Variants in ANK2 observed in about 807,000 individuals in gnomAD.
The protein encoded by ANK2 is ankyrin 2.
A neutral mutation model predicts 360.5 loss-of-function variants in ANK2; 83 were observed. That is an observed-to-expected ratio of 0.23 (90% CI 0.19 to 0.28). The LOEUF (loss-of-function observed/expected upper bound fraction) is 0.28. Ranked by LOEUF, ANK2 falls within the 10% of genes least tolerant of loss-of-function variation. The pLI is 1.00. For synonymous variants in ANK2, 1,740 were observed against 1,759.5 expected, an observed-to-expected ratio of 0.99 and a Z score of 0.28; for missense variants, 4,201 against 4,795.7, an observed-to-expected ratio of 0.88 and a Z score of 3.66.
At chr4:112,833,635 C>A (rs1203671381) in intron 1 of ANK2, among the ~76,000 whole-genome samples, 1 of 152,090 alleles carries the variant, frequency 6.6e-6, no homozygotes, top group East Asian at 1.9e-4. Flanking sequence ...TCCCCAGTAC[C>A]TGGGACCACA....
the ANK2 span, among the ~76,000 whole-genome samples, chr4:112,756,418 G>A: frequency 6.6e-6 from 1 of 152,174 alleles, no homozygotes; most frequent in Non-Finnish European, 1.5e-5. Context: ...TGGGAGAATA[G>A]ATTCTCTATA....
At chr4:113,314,817 A>T (rs943442296) in intron 24 of ANK2, among the ~76,000 whole-genome samples, 7 of 152,322 alleles carry the variant, frequency 4.6e-5, no homozygotes, top group South Asian at 2.1e-4. Flanking sequence ...CATCATTTTT[A>T]AAAAAGCAGT....
intron 1 of ANK2, among the ~76,000 whole-genome samples, chr4:112,822,253 A>AC (rs1030429453): frequency 6.7e-6 from 1 of 149,660 alleles, no homozygotes; most frequent in African/African-American, 2.5e-5. Flanking sequence ...AAAAAAAAAA[A>AC]AAAAAAAAAC....
At chr4:113,029,316 C>T (rs1230092539) in intron 2 of ANK2, among the ~76,000 whole-genome samples, 2 of 151,998 alleles carry the variant, frequency 1.3e-5, no homozygotes, top group African/African-American at 4.8e-5. Context: ...CTCACTACAT[C>T]CTCTAACTCC....
At chr4:112,835,437 A>G (rs2060792540) in intron 1 of ANK2, among the ~76,000 whole-genome samples, 1 of 152,148 alleles carries the variant, frequency 6.6e-6, no homozygotes, top group African/African-American at 2.4e-5. Flanking sequence ...TTATGCATTT[A>G]TAATGAATAG....
the ANK2 span, among the ~76,000 whole-genome samples, chr4:112,801,136 C>T: frequency 6.6e-6 from 1 of 152,134 alleles, no homozygotes; most frequent in South Asian, 2.1e-4. Context: ...CATACATTGA[C>T]AACTGAATCA....
chr4:112,916,245 A>G (rs903201958), intron 2 of ANK2, among the ~76,000 whole-genome samples: 2 of 152,212 alleles, frequency 1.3e-5, no homozygotes, highest in African/African-American at 4.8e-5. Flanking sequence ...CTAATATTAA[A>G]CCTAATAGTT....
intron 2 of ANK2, among the ~76,000 whole-genome samples, chr4:112,970,309 G>C: frequency 6.6e-6 from 1 of 151,812 alleles, no homozygotes; most frequent in East Asian, 1.9e-4. Flanking sequence ...GTTTGGTGCT[G>C]TCACATACAT....
At chr4:112,838,762 G>A (rs1419920032) in intron 1 of ANK2, among the ~76,000 whole-genome samples, 1 of 152,260 alleles carries the variant, frequency 6.6e-6, no homozygotes, top group African/African-American at 2.4e-5. Context: ...CCAGCTACTC[G>A]GGAGGCTGAG....
At chr4:112,777,179 A>G in the ANK2 span, among the ~76,000 whole-genome samples, 1 of 152,168 alleles carries the variant, frequency 6.6e-6, no homozygotes, top group Non-Finnish European at 1.5e-5. Flanking sequence ...ATACGTATGT[A>G]AGGCTTACAT....
At chr4:113,249,711 A>C in intron 9 of ANK2, 53 bp from the exon 10 acceptor site, 8 of 1,552,102 alleles carry the variant, frequency 5.2e-6, no homozygotes, top group Non-Finnish European at 6.2e-6. Flanking sequence ...AATAGATGAA[A>C]TATAGATTTT....
chr4:112,793,861 A>G, the ANK2 span, among the ~76,000 whole-genome samples: 1 of 151,868 alleles, frequency 6.6e-6, no homozygotes, highest in Non-Finnish European at 1.5e-5. Context: ...ACGTGCCACC[A>G]CACTTGGCTA....
At chr4:112,787,436 G>A in the ANK2 span, among the ~76,000 whole-genome samples, 2 of 152,152 alleles carry the variant, frequency 1.3e-5, no homozygotes, top group Non-Finnish European at 2.9e-5. Context: ...TTAAGATAAA[G>A]GGGTTTATTA....
chr4:112,735,798 CT>C, the ANK2 span, among the ~76,000 whole-genome samples: 44 of 152,240 alleles, frequency 2.9e-4, no homozygotes, highest in East Asian at 7.9e-3. Context: ...AATTTTTCAT[CT>C]TACAAAACTG....
rs373770811 is a variant in ANK2 at position 113,323,761 on chromosome 4, G to A, written c.2900+5141G>A. 2.7e-5 allele frequency: 44 copies of A among 1,610,860 alleles called. No homozygotes were observed. In the African/African-American group the frequency reaches 3.5e-4, roughly 13 times the overall value. On this transcript the variant is annotated intron_variant, in intron 26 of 45. Transcript: ENST00000357077. ...CTAAAGTATCTATTCTGTTGCAGCC[G>A]CGCCTCTCCATGTCTTGAACGTGAC...
chr4:112,780,849 G>A, the ANK2 span, among the ~76,000 whole-genome samples: 48 of 152,256 alleles, frequency 3.2e-4, no homozygotes, highest in Admixed American at 7.9e-4. Flanking sequence ...TCTCTCCCTT[G>A]ACATGTGGGG....
At chr4:112,787,720 A>G in the ANK2 span, among the ~76,000 whole-genome samples, 1 of 152,168 alleles carries the variant, frequency 6.6e-6, no homozygotes, top group Non-Finnish European at 1.5e-5. Flanking sequence ...CACCACTGTC[A>G]TGGGTAGGCA....
rs771378991 is a variant in ANK2, at chr4:113,174,504, A to G, written c.173A>G (p.Asn58Ser). The change falls in exon 2 of 46, where the codon AAT becomes AGT. Residue 58 changes from asparagine (N) to serine (S), a missense_variant. Physicochemically the swap from Asn to Ser is conservative, Grantham distance 46. Transcript: ENST00000357077. Reference sequence around the variant, plus strand: ...TATCTGAAGGGGGGCATAGACATCAATACCTGCAATCAGGTAAGAACATGG... The same window carrying G: ...TATCTGAAGGGGGGCATAGACATCAGTACCTGCAATCAGGTAAGAACATGG... ...VEYLKGGIDINTCNQNGLNAL... is the reference protein window; with the variant it reads ...VEYLKGGIDISTCNQNGLNAL... 6.8e-6 allele frequency: 11 copies of G among 1,611,190 alleles called. No homozygotes were observed. In the South Asian group the frequency reaches 1.1e-4, roughly 16 times the overall value.
chr4:113,022,721 A>G (rs1180106138), intron 2 of ANK2, among the ~76,000 whole-genome samples: 1 of 152,212 alleles, frequency 6.6e-6, no homozygotes, highest in Non-Finnish European at 1.5e-5. Context: ...TTTTTAGCAA[A>G]GACTTCATAT....
Sources: allele counts gnomAD v4.1 joint callset (sites outside exome capture counted in the v4.1 genomes callset), GRCh38; gene constraint gnomAD v4.1.1; transcripts MANE v1.5; gene names NCBI Gene and HGNC (gene_info 2026-07-23, HGNC 2026-07-21).